The following XKRX variants were observed in gnomAD, a reference collection of about 807,000 sequenced individuals.
XKRX encodes XK-related protein 2.
XKRX carries 11 observed loss-of-function variants against 22.4 expected under a neutral mutation model. The observed-to-expected ratio is 0.49, with a 90% CI of 0.31 to 0.81. The LOEUF is 0.81. Among genes scored for constraint, XKRX ranks in the 40% least tolerant of loss-of-function variants. The pLI is 0.05. For synonymous variants in XKRX, 114 were observed against 132.2 expected (o/e 0.86, Z 0.94); for missense variants, 320 against 336.5 (o/e 0.95, Z 0.38).
At chrX:100,958,877 A>C in the XKRX span, among the ~76,000 whole-genome samples, 1 of 111,912 alleles carries the variant, frequency 8.9e-6, no homozygotes, top group Non-Finnish European at 1.9e-5. Flanking sequence ...ACTGAAGAAA[A>C]ATCATTACTC....
At chrX:100,893,108 T>C in the XKRX span, among the ~76,000 whole-genome samples, 6 of 112,139 alleles carry the variant, frequency 5.4e-5, no homozygotes, top group East Asian at 1.4e-3. Flanking sequence ...ATCTCACTTA[T>C]GTGTAGAATC....
chrX:100,923,864 T>C (rs1602416070), intron 1 of XKRX, among the ~76,000 whole-genome samples: 1 of 96,434 alleles, frequency 1.0e-5, no homozygotes, highest in Non-Finnish European at 2.1e-5. Flanking sequence ...TGAGACAGAG[T>C]CTTGCTCTGT....
chrX:100,932,112 C>A (rs1025581179), upstream of XKRX, among the ~76,000 whole-genome samples: 2 of 111,552 alleles, frequency 1.8e-5, no homozygotes, highest in African/African-American at 6.5e-5. Context: ...CACCCACCAA[C>A]TTCTCTATTT....
chrX:100,914,383 G>A lies in XKRX; in HGVS notation c.1305C>T (p.Asn435=), dbSNP rs6652832. The A allele has an allele frequency of 1.4e-5, 17 of 1,210,170 alleles. No homozygotes were observed. The African/African-American group carries it at 1.9e-4, about 14-fold the overall frequency. The change falls in exon 3 of 3, where the codon AAC becomes AAT. Residue 435 remains asparagine, a synonymous_variant. Transcript: ENST00000372956. ...CHQHPRTRVE[N]SEPPFETEAR... ...CTTCAGTCTCAAAGGGTGGCTCTGAGTTCTCAACCCTGGTCCGAGGGTGCT... is the reference window on the plus strand; with the variant it reads ...CTTCAGTCTCAAAGGGTGGCTCTGAATTCTCAACCCTGGTCCGAGGGTGCT...
upstream of XKRX, among the ~76,000 whole-genome samples, chrX:100,932,242 T>A (rs1445727183): frequency 1.8e-5 from 2 of 111,526 alleles, no homozygotes; most frequent in African/African-American, 6.5e-5. Flanking sequence ...CAAACACTCT[T>A]TGCTCTCTCA....
chrX:100,900,310 C>A, the XKRX span, among the ~76,000 whole-genome samples: 1 of 110,654 alleles, frequency 9.0e-6, no homozygotes, highest in South Asian at 3.9e-4. Context: ...ATCCTCCTGT[C>A]TTGGCCTCCC....
At chrX:100,952,304 T>C in the XKRX span, among the ~76,000 whole-genome samples, 1 of 110,747 alleles carries the variant, frequency 9.0e-6, no homozygotes, top group Non-Finnish European at 1.9e-5. Flanking sequence ...GTAACTTCAT[T>C]AACCTAGTAA....
chrX:100,887,204 G>C, the XKRX span, among the ~76,000 whole-genome samples: 3 of 110,932 alleles, frequency 2.7e-5, no homozygotes, highest in Non-Finnish European at 5.7e-5. Context: ...ATTCCAAATA[G>C]AACCTGGCAT....
intron 1 of XKRX, among the ~76,000 whole-genome samples, chrX:100,927,651 T>G (rs192929754): frequency 1.0e-3 from 115 of 110,441 alleles, no homozygotes; most frequent in African/African-American, 3.6e-3. Context: ...AAAAAAAAAA[T>G]TTTTTAAATA....
At chrX:100,957,261 G>A in the XKRX span, 6 of 983,673 alleles carry the variant, frequency 6.1e-6, no homozygotes, top group East Asian at 1.5e-4. Context: ...ATTTGACATG[G>A]AAGTGAAAGG....
At chrX:100,948,935 G>A in the XKRX span, among the ~76,000 whole-genome samples, 2 of 112,703 alleles carry the variant, frequency 1.8e-5, no homozygotes, top group African/African-American at 6.5e-5. Flanking sequence ...CAATGAGTTG[G>A]TGCAAGTCAT....
At chrX:100,905,378 G>A in the XKRX span, among the ~76,000 whole-genome samples, 1 of 111,469 alleles carries the variant, frequency 9.0e-6, no homozygotes, top group East Asian at 2.8e-4. Context: ...GTTGAATGAA[G>A]CATGTCTCTA....
the XKRX span, among the ~76,000 whole-genome samples, chrX:100,893,279 T>C: frequency 8.9e-6 from 1 of 111,882 alleles, no homozygotes; most frequent in African/African-American, 3.2e-5. Flanking sequence ...TAAATAATAA[T>C]GTATTATATA....
chrX:100,917,668 A>AG (rs1273229968), intron 2 of XKRX, among the ~76,000 whole-genome samples: 38 of 43,274 alleles, frequency 8.8e-4, no homozygotes, highest in Middle Eastern at 0.019. Flanking sequence ...AAAGAAAGAA[A>AG]GAAAGAAAAG....
At chrX:100,913,096 G>T (rs1263977859), downstream of XKRX, among the ~76,000 whole-genome samples, 1 of 109,171 alleles carries the variant, frequency 9.2e-6, no homozygotes, top group African/African-American at 3.4e-5. Flanking sequence ...TACTCGGGAG[G>T]CTGAGGCAGG....
intron 1 of XKRX, 58 bp downstream of exon 1, chrX:100,927,912 T>C: frequency 8.9e-7 from 1 of 1,123,564 alleles, no homozygotes; most frequent in Non-Finnish European, 1.2e-6. Context: ...TTCATCTTTC[T>C]CTGCCCAAGT....
intron 1 of XKRX, among the ~76,000 whole-genome samples, chrX:100,924,885 G>C (rs2085491755): frequency 9.0e-6 from 1 of 111,592 alleles, no homozygotes; most frequent in East Asian, 2.8e-4. Flanking sequence ...TTTAGTTCCT[G>C]ATAGGAAAAT....
At chrX:100,912,112 C>T (rs767097360), downstream of XKRX, among the ~76,000 whole-genome samples, 2 of 111,772 alleles carry the variant, frequency 1.8e-5, no homozygotes, top group South Asian at 7.6e-4. Context: ...ATTATTGTTC[C>T]ATGCTGCTCT....
chrX:100,926,655 A>C (rs1389919114), intron 1 of XKRX, among the ~76,000 whole-genome samples: 1 of 111,685 alleles, frequency 9.0e-6, no homozygotes, highest in Non-Finnish European at 1.9e-5. Flanking sequence ...TCCTGAACTC[A>C]TAAGTTTTGC....
Sources: allele counts gnomAD v4.1 joint callset (sites outside exome capture counted in the v4.1 genomes callset), GRCh38; gene constraint gnomAD v4.1.1; transcripts MANE v1.5; gene names NCBI Gene and HGNC (gene_info 2026-07-23, HGNC 2026-07-21).